The following LRFN2 variants were observed in gnomAD, a reference collection of about 807,000 sequenced individuals.
The protein encoded by LRFN2 is leucine-rich repeat and fibronectin type-III domain-containing protein 2.
Under a neutral mutation model 37.3 loss-of-function variants are expected in LRFN2, and 18 were observed. That is an observed-to-expected ratio of 0.48 (90% confidence interval 0.33 to 0.72). The LOEUF (loss-of-function observed/expected upper bound fraction) is 0.72, where lower values mean the gene tolerates loss of function less well. LRFN2 is among the 30% of genes least tolerant of loss of function. The pLI is 0.02. For missense variants in LRFN2, 1,006 were observed against 1,060.7 expected, an observed-to-expected ratio of 0.95 and a Z score of 0.72; for synonymous variants, 556 against 466.6, an observed-to-expected ratio of 1.19 and a Z score of -2.47.
chr6:40,494,302 A>C (rs924995562), intron 1 of LRFN2, among the ~76,000 whole-genome samples: 4 of 152,136 alleles, frequency 2.6e-5, no homozygotes, highest in African/African-American at 9.7e-5. Context: ...GTGCCATGGA[A>C]GGTTCCTTGG....
chr6:40,432,200 G>A lies in LRFN2; in HGVS notation c.914C>T (p.Ala305Val), dbSNP rs758561392. ...THKLLVLEGQ[A>V]ATLKCKAIGD... ...AATGGCTTTGCACTTGAGTGTGGCC[G>A]CCTGGCCCTCCAGAACCAGCAACTT... The change falls in exon 2 of 3, where the codon GCG becomes GTG. Residue 305 changes from alanine to valine, a missense_variant. By Grantham distance (64) the Ala-to-Val change is moderately conservative. Around this residue, in one of 4 missense-constraint regions of LRFN2, gnomAD observed 303 missense variants for 299.8 expected, o/e 1.01. Coordinates refer to ENST00000338305, the MANE Select transcript of LRFN2 (RefSeq NM_020737.3). The A allele has an allele frequency of 2.4e-5, 38 of 1,613,734 alleles. No individual in the cohort carries two copies. Among genetic ancestry groups the A allele is most frequent in the South Asian group, 6.6e-5 (6 of 91,094 alleles).
At chr6:40,513,121 C>T (rs1195704542) in intron 1 of LRFN2, among the ~76,000 whole-genome samples, 1 of 152,234 alleles carries the variant, frequency 6.6e-6, no homozygotes, top group African/African-American at 2.4e-5. Context: ...ACTGGGGAGG[C>T]AGGGTGTGGC....
chr6:40,421,129 G>T (rs1490437985), intron 2 of LRFN2, among the ~76,000 whole-genome samples: 1 of 152,230 alleles, frequency 6.6e-6, no homozygotes, highest in Non-Finnish European at 1.5e-5. Flanking sequence ...AGCAAGAGCA[G>T]TGAGCCACAC....
At chr6:40,558,618 G>C (rs1245868035) in intron 1 of LRFN2, among the ~76,000 whole-genome samples, 1 of 152,146 alleles carries the variant, frequency 6.6e-6, no homozygotes, top group Non-Finnish European at 1.5e-5. Context: ...GTGGAGTTTG[G>C]GGCCCAGTGG....
chr6:40,413,156 G>C (rs998805064), intron 2 of LRFN2, among the ~76,000 whole-genome samples: 2 of 152,208 alleles, frequency 1.3e-5, no homozygotes, highest in African/African-American at 4.8e-5. Flanking sequence ...AGAGTGGTGA[G>C]TGATTTACCG....
At chr6:40,456,565 G>A (rs1290852584) in intron 1 of LRFN2, among the ~76,000 whole-genome samples, 1 of 152,226 alleles carries the variant, frequency 6.6e-6, no homozygotes, top group African/African-American at 2.4e-5. Context: ...CTGCTGCGTG[G>A]CAATGCCTTG....
chr6:40,437,319 C>T (rs1372898546), intron 1 of LRFN2, among the ~76,000 whole-genome samples: 3 of 152,134 alleles, frequency 2.0e-5, no homozygotes, highest in African/African-American at 7.2e-5. Flanking sequence ...CTCCGCCATC[C>T]TTTGTGCCCT....
chr6:40,568,016 G>C (rs542197319), intron 1 of LRFN2, among the ~76,000 whole-genome samples: 1 of 152,072 alleles, frequency 6.6e-6, no homozygotes, highest in Non-Finnish European at 1.5e-5. Context: ...CCCCCAAAAC[G>C]TACAAACAAA....
rs557139157 is a variant in LRFN2 at position 40,415,343 on chromosome 6, AG to A, written c.1400+16370del. 7.0e-3 allele frequency among the ~76,000 whole-genome samples: 1,070 copies of A among 152,168 alleles called. 7 individuals are homozygous for A. Among genetic ancestry groups the A allele is most frequent in the Non-Finnish European group, 0.011 (748 of 67,998 alleles). On this transcript the variant is annotated intron_variant, in intron 2 of 2. Coordinates refer to ENST00000338305, the MANE Select transcript of LRFN2 (RefSeq NM_020737.3). Reference sequence around the variant, plus strand: ...TGGGTTCATGTGACTCTCCTGCCTCAGCCCCCCAAGTACCTGGAATTACAGG... The same window carrying A: ...TGGGTTCATGTGACTCTCCTGCCTCACCCCCCAAGTACCTGGAATTACAGG...
chr6:40,395,406 C>T (rs900846916), intron 2 of LRFN2, among the ~76,000 whole-genome samples: 8 of 152,326 alleles, frequency 5.3e-5, no homozygotes, highest in Admixed American at 5.2e-4. Context: ...TGGTCAACCA[C>T]CTTCATCCCT....
chr6:40,416,302 T>G (rs13208557), intron 2 of LRFN2, among the ~76,000 whole-genome samples: 65,070 of 152,080 alleles, frequency 0.43, 14,138 homozygotes, highest in Admixed American at 0.47. Context: ...AGCCACCATG[T>G]CCGGCCAATG....
intron 1 of LRFN2, among the ~76,000 whole-genome samples, chr6:40,490,662 C>A (rs559096637): frequency 1.3e-5 from 2 of 152,350 alleles, no homozygotes; most frequent in Admixed American, 6.5e-5. Flanking sequence ...CCACTCTTAG[C>A]AGCTGCCCCT....
At chr6:40,440,487 T>C (rs1356986960) in intron 1 of LRFN2, among the ~76,000 whole-genome samples, 1 of 151,562 alleles carries the variant, frequency 6.6e-6, no homozygotes, top group Admixed American at 6.5e-5. Flanking sequence ...AATGAACGAA[T>C]GAATGAATAA....
At chr6:40,454,912 C>T (rs902935322) in intron 1 of LRFN2, among the ~76,000 whole-genome samples, 1 of 152,182 alleles carries the variant, frequency 6.6e-6, no homozygotes, top group African/African-American at 2.4e-5. Flanking sequence ...CACACAAACA[C>T]ACACATAAGC....
intron 1 of LRFN2, among the ~76,000 whole-genome samples, chr6:40,478,177 G>T (rs1353872589): frequency 6.6e-6 from 1 of 152,144 alleles, no homozygotes; most frequent in African/African-American, 2.4e-5. Context: ...CTGCTGCCCT[G>T]TACATGCTTT....
chr6:40,473,484 G>A (rs1217952638), intron 1 of LRFN2, among the ~76,000 whole-genome samples: 1 of 152,152 alleles, frequency 6.6e-6, no homozygotes, highest in African/African-American at 2.4e-5. Flanking sequence ...CTCTTCCAGA[G>A]GACAAGGCAT....
chr6:40,436,872 G>A (rs993427877), intron 1 of LRFN2, among the ~76,000 whole-genome samples: 3 of 152,148 alleles, frequency 2.0e-5, no homozygotes. Flanking sequence ...GAAGGCTGAC[G>A]TTTTTCTGGC....
At chr6:40,466,025 C>T (rs1764453923) in intron 1 of LRFN2, among the ~76,000 whole-genome samples, 1 of 152,128 alleles carries the variant, frequency 6.6e-6, no homozygotes, top group South Asian at 2.1e-4. Context: ...TAGAATATGG[C>T]AAGAAAGAGA....
At chr6:40,507,539 C>A (rs1765577838) in intron 1 of LRFN2, among the ~76,000 whole-genome samples, 1 of 152,172 alleles carries the variant, frequency 6.6e-6, no homozygotes, top group Admixed American at 6.5e-5. Flanking sequence ...GCTCTGAAGA[C>A]CCTGCTCTTA....
Sources: allele counts gnomAD v4.1 joint callset (sites outside exome capture counted in the v4.1 genomes callset), GRCh38; gene constraint gnomAD v4.1.1; regional missense constraint gnomAD v4.1.1; transcripts MANE v1.5; gene names NCBI Gene and HGNC (gene_info 2026-07-23, HGNC 2026-07-21).